The following GBE1 variants were observed in gnomAD, a reference collection of about 807,000 sequenced individuals.
GBE1 encodes 1,4-alpha-glucan-branching enzyme.
GBE1 carries 70 observed loss-of-function variants against 88.8 expected under a neutral mutation model. The ratio of observed to expected loss-of-function variants is 0.79; its 90% confidence interval spans 0.65 to 0.96. The LOEUF (loss-of-function observed/expected upper bound fraction) is 0.96. GBE1 is among the 40% of genes least tolerant of loss of function. The pLI is 0.00. For synonymous variants in GBE1, 284 were observed against 300.1 expected (o/e 0.95, Z 0.56); for missense variants, 872 against 871.0 (o/e 1.00, Z -0.01).
At chr3:81,739,530 C>A (rs780081107) in intron 1 of GBE1, among the ~76,000 whole-genome samples, 24 of 152,228 alleles carry the variant, frequency 1.6e-4, no homozygotes, top group Middle Eastern at 3.4e-3. Flanking sequence ...TTCTAGAAGA[C>A]AACATATTGC....
intron 2 of GBE1, among the ~76,000 whole-genome samples, chr3:81,680,320 C>T (rs576916710): frequency 1.5e-3 from 226 of 151,910 alleles, no homozygotes; most frequent in African/African-American, 5.2e-3. Flanking sequence ...GGTGAAACAC[C>T]GTCTCTACTA....
intron 7 of GBE1, among the ~76,000 whole-genome samples, chr3:81,639,728 G>T (rs1576181097): frequency 6.6e-6 from 1 of 152,086 alleles, no homozygotes; most frequent in Non-Finnish European, 1.5e-5. Context: ...TATCGCTCTT[G>T]TGAGAAAGCC....
At chr3:81,642,634 G>A (rs2107059057) in intron 7 of GBE1, 147 bp downstream of exon 7, 2 of 612,316 alleles carry the variant, frequency 3.3e-6, no homozygotes, top group East Asian at 2.8e-5. Flanking sequence ...ACAAAACAAG[G>A]TAAAATCCCC....
intron 7 of GBE1, among the ~76,000 whole-genome samples, chr3:81,610,890 AT>A: frequency 6.6e-6 from 1 of 152,264 alleles, no homozygotes; most frequent in South Asian, 2.1e-4. Flanking sequence ...CTCCTTTAAC[AT>A]AAACCTTCAT....
At chr3:81,699,965 T>C (rs1705663326) in intron 2 of GBE1, among the ~76,000 whole-genome samples, 1 of 152,256 alleles carries the variant, frequency 6.6e-6, no homozygotes, top group African/African-American at 2.4e-5. Flanking sequence ...ATCACATATG[T>C]TACTTACAAG....
chr3:81,538,305 G>C (rs1188257176), intron 12 of GBE1, among the ~76,000 whole-genome samples: 2 of 151,958 alleles, frequency 1.3e-5, no homozygotes, highest in African/African-American at 4.8e-5. Flanking sequence ...GCTTTAAATA[G>C]TGAACTTTAT....
intron 7 of GBE1, among the ~76,000 whole-genome samples, chr3:81,602,370 A>G (rs1489524253): frequency 1.3e-5 from 2 of 152,144 alleles, no homozygotes; most frequent in African/African-American, 4.8e-5. Flanking sequence ...TAAATTAACC[A>G]TTTGTCTTAG....
chr3:81,536,009 G>A (rs1703068914), intron 13 of GBE1, among the ~76,000 whole-genome samples: 1 of 151,794 alleles, frequency 6.6e-6, no homozygotes, highest in African/African-American at 2.4e-5. Context: ...ATGCATACCC[G>A]CAGCACCACT....
At chr3:81,560,955 A>AT (rs1312845583) in intron 12 of GBE1, among the ~76,000 whole-genome samples, 2 of 151,922 alleles carry the variant, frequency 1.3e-5, no homozygotes, top group African/African-American at 2.4e-5. Context: ...CTATAGTATT[A>AT]TTTTTTCTCA....
chr3:81,588,853 G>A (rs1305012820), intron 9 of GBE1, among the ~76,000 whole-genome samples: 4 of 152,062 alleles, frequency 2.6e-5, no homozygotes, highest in East Asian at 1.9e-4. Flanking sequence ...CATTGTCTCC[G>A]TGATTGGCTT....
intron 3 of GBE1, among the ~76,000 whole-genome samples, chr3:81,651,701 G>A (rs566775272): frequency 5.9e-5 from 9 of 152,228 alleles, no homozygotes; most frequent in Admixed American, 1.3e-4. Flanking sequence ...CCAGTTTTCC[G>A]TGACTACCAC....
chr3:81,507,778 C>T (rs1702673898), intron 14 of GBE1, among the ~76,000 whole-genome samples: 2 of 151,922 alleles, frequency 1.3e-5, no homozygotes, highest in Non-Finnish European at 2.9e-5. Context: ...GCTAAATATG[C>T]ATTCAAATGT....
At chr3:81,663,178 G>A (rs1385682559) in intron 3 of GBE1, among the ~76,000 whole-genome samples, 2 of 152,132 alleles carry the variant, frequency 1.3e-5, no homozygotes, top group Non-Finnish European at 2.9e-5. Context: ...ATGGACCTAG[G>A]TGAGGACAAG....
intron 15 of GBE1, 41 bp downstream of exon 15, chr3:81,499,069 T>C: frequency 9.8e-7 from 1 of 1,020,656 alleles, no homozygotes. Flanking sequence ...AATAAAAGAG[T>C]AAATTAAAAT....
At chr3:81,524,876 T>A (rs1442744929) in intron 14 of GBE1, among the ~76,000 whole-genome samples, 1 of 151,800 alleles carries the variant, frequency 6.6e-6, no homozygotes, top group Non-Finnish European at 1.5e-5. Context: ...GTGCAACATG[T>A]CTTTTGCTAT....
Position 81,609,414 on chromosome 3 carries a change from C to G in GBE1, c.993-15391G>C, listed in dbSNP as rs1704143403. ...GTCTACATCTGTCTGTCTCTTCACC[C>G]TCAAAAACACAGCTCAAAGCCAAAA... On this transcript the variant is annotated intron_variant, in intron 7 of 15. Transcript: ENST00000429644. Among the ~76,000 whole-genome samples the G allele has an allele frequency of 2.0e-5, 3 of 152,192 alleles. No homozygotes were observed. In the South Asian group the frequency reaches 6.2e-4, roughly 32 times the overall value.
chr3:81,748,756 T>C (rs1337322013), intron 1 of GBE1, among the ~76,000 whole-genome samples: 1 of 151,952 alleles, frequency 6.6e-6, no homozygotes, highest in Non-Finnish European at 1.5e-5. Flanking sequence ...AGCCTGTAAT[T>C]CCAACACTTT....
intron 1 of GBE1, among the ~76,000 whole-genome samples, chr3:81,756,205 T>G (rs893344967): frequency 9.2e-5 from 14 of 152,304 alleles, no homozygotes; most frequent in Middle Eastern, 3.4e-3. Context: ...AGTATCTAAT[T>G]AAGAAGCTAT....
intron 12 of GBE1, among the ~76,000 whole-genome samples, chr3:81,541,927 T>C (rs1703147184): frequency 6.6e-6 from 1 of 152,092 alleles, no homozygotes; most frequent in Non-Finnish European, 1.5e-5. Context: ...TTTATTTTTA[T>C]TTTATTTATT....
Sources: allele counts gnomAD v4.1 joint callset (sites outside exome capture counted in the v4.1 genomes callset), GRCh38; gene constraint gnomAD v4.1.1; transcripts MANE v1.5; gene names NCBI Gene and HGNC (gene_info 2026-07-23, HGNC 2026-07-21).